The following SDE2 variants were observed in gnomAD, a reference collection of about 807,000 sequenced individuals.
SDE2 encodes the protein spliceosome associated SDE2.
In SDE2, 31 loss-of-function variants were observed where a neutral mutation model predicts 46.9. The ratio of observed to expected loss-of-function variants is 0.66; its 90% CI spans 0.50 to 0.89. The LOEUF is 0.89. SDE2 is among the 40% of genes least tolerant of loss of function. The pLI is 0.00. For missense variants in SDE2, 542 were observed against 564.4 expected, an observed-to-expected ratio of 0.96 and a Z score of 0.40; for synonymous variants, 205 against 204.3, an observed-to-expected ratio of 1.00 and a Z score of -0.03.
chr1:225,998,161 T>C (rs1429615350), intron 1 of SDE2, among the ~76,000 whole-genome samples: 1 of 152,188 alleles, frequency 6.6e-6, no homozygotes, highest in Non-Finnish European at 1.5e-5. Context: ...AACACTGTAC[T>C]CATGAAATAA....
chr1:225,985,323 AGGCTT>A lies in SDE2; in HGVS notation c.1330_1334del (p.Lys444PhefsTer31). 1 of 1,614,198 alleles carries A rather than the reference AGGCTT, an allele frequency of 6.2e-7. No individual in the cohort carries two copies. The highest frequency in any genetic ancestry group is 1.1e-5 in the South Asian group (1 of 91,084). On this transcript the variant is annotated frameshift_variant, in exon 7 of 7. Transcript: ENST00000272091. LOFTEE classifies it high-confidence loss of function. ...ATACTCATTTTTTCTTCCCTTTCAA[AGGCTT>A]GGCAAATAAAGCCGGGTCAATTTGC...
At chr1:225,999,069 T>A (rs1261726166) in intron 1 of SDE2, 124 bp downstream of exon 1, 2 of 741,762 alleles carry the variant, frequency 2.7e-6, no homozygotes, top group African/African-American at 3.5e-5. Flanking sequence ...TGAGGAACTC[T>A]CAGCCTCAAC....
chr1:225,988,293 A>G lies in SDE2; in HGVS notation c.737T>C (p.Phe246Ser), dbSNP rs1047828701. 7.4e-6 allele frequency: 12 copies of G among 1,614,060 alleles called. No individual in the cohort carries two copies. Among genetic ancestry groups the G allele is most frequent in the African/African-American group, 1.3e-5 (1 of 74,916 alleles). The change falls in exon 6 of 7, where the codon TTC becomes TCC. Residue 246 changes from phenylalanine (F) to serine (S), a missense_variant. By Grantham distance (155) the Phe-to-Ser change is radical (BLOSUM62 -2). Coordinates refer to ENST00000272091, the MANE Select transcript of SDE2 (RefSeq NM_152608.4). ...ATTGCTACCAATTTTTGGAGCATGG[A>G]AACCCATTCCTGAAGTGCTTGGTGC... ...EEAPSTSGMG[F>S]HAPKIGSNGV...
intron 5 of SDE2, 58 bp from the exon 6 acceptor site, chr1:225,988,446 G>A: frequency 1.9e-6 from 3 of 1,581,582 alleles, no homozygotes; most frequent in Non-Finnish European, 2.6e-6. Context: ...AAAGCAAAGA[G>A]TTGGCTGGGC....
intron 3 of SDE2, 150 bp from the exon 4 acceptor site, chr1:225,992,717 T>C (rs1656429919): frequency 1.5e-6 from 1 of 672,666 alleles, no homozygotes; most frequent in Non-Finnish European, 2.5e-6. Context: ...CATATGGTAC[T>C]GAACTTAATC....
intron 1 of SDE2, among the ~76,000 whole-genome samples, chr1:225,997,307 T>C (rs112732125): frequency 5.3e-5 from 8 of 152,236 alleles, no homozygotes; most frequent in Admixed American, 1.3e-4. Context: ...TTTAAAAACA[T>C]AGGTGTGAAC....
intron 5 of SDE2, among the ~76,000 whole-genome samples, chr1:225,989,307 A>ATAAT (rs1428221062): frequency 4.5e-5 from 6 of 134,388 alleles, no homozygotes; most frequent in African/African-American, 1.8e-4. Context: ...AAAAAAAAAA[A>ATAAT]AATAATAATA....
chr1:225,985,335 T>G lies in SDE2; in HGVS notation c.1323A>C (p.Leu441Phe). ...GLAKEQIDPA[L>F]FAKPLKGKKK The stretch of plus-strand genomic sequence containing the variant: ...TCTTCCCTTTCAAAGGCTTGGCAAA[T>G]AAAGCCGGGTCAATTTGCTCCTTTG... The change falls in exon 7 of 7, where the codon TTA becomes TTC. Residue 441 changes from leucine (L) to phenylalanine (F), a missense_variant. This residue lies in a region of SDE2 where 401 missense variants were observed against 437.8 expected (regional missense o/e 0.92). Transcript: ENST00000272091. 6.2e-7 allele frequency: 1 copy of G among 1,614,196 alleles called. No individual in the cohort carries two copies. Among genetic ancestry groups the G allele is most frequent in the Non-Finnish European group, 8.5e-7 (1 of 1,180,022 alleles).
chr1:225,995,969 T>C (rs1325331535), intron 1 of SDE2, among the ~76,000 whole-genome samples: 1 of 152,120 alleles, frequency 6.6e-6, no homozygotes, highest in Admixed American at 6.6e-5. Flanking sequence ...CCTACATGAA[T>C]CAATACTCTA....
intron 2 of SDE2, among the ~76,000 whole-genome samples, chr1:225,993,700 A>G (rs1456845951): frequency 1.3e-5 from 2 of 152,082 alleles, no homozygotes; most frequent in African/African-American, 4.8e-5. Flanking sequence ...AGATTTTTCA[A>G]TGAGTTTAGA....
chr1:225,991,155 C>G, intron 5 of SDE2, 88 bp downstream of exon 5: 2 of 1,390,948 alleles, frequency 1.4e-6, no homozygotes, highest in Non-Finnish European at 2.0e-6. Context: ...AAACACTACA[C>G]AAAAATGTGT....
rs750557774 is a variant in SDE2 at position 225,999,307 on chromosome 1, C to A, written c.6G>T (p.Ala2=). 1.9e-6 allele frequency: 3 copies of A among 1,611,262 alleles called. No individual in the cohort carries two copies. In the South Asian group the frequency reaches 3.3e-5, roughly 18 times the overall value. The change falls in exon 1 of 7, where the codon GCG becomes GCT. Residue 2 remains alanine, a synonymous_variant. Transcript: ENST00000272091. The part of the protein sequence containing the change: M[A]EAAALVWIRG... Reference sequence around the variant, plus strand: ...GAATCCACACCAGCGCCGCGGCCTCCGCCATGTCACCGACTACCCGAACCT... The same window carrying A: ...GAATCCACACCAGCGCCGCGGCCTCAGCCATGTCACCGACTACCCGAACCT...
Position 225,984,443 on chromosome 1 carries a change from T to C in SDE2, c.*859A>G, listed in dbSNP as rs1156598099. ...AAGATCAAAGGAGACTCAAGCTAAA[T>C]AGAAGAAAGAAAATAACAGAAATTA... On this transcript the variant is annotated 3_prime_UTR_variant, in exon 7 of 7. Coordinates refer to ENST00000272091, the MANE Select transcript of SDE2 (RefSeq NM_152608.4). The C allele has an allele frequency of 1.3e-5, 2 of 152,020 alleles. No homozygotes were observed. The highest frequency in any genetic ancestry group is 1.9e-4 in the East Asian group (1 of 5,184). The allele number at this position is 152,020 out of a possible 1,614,324, so 9.4% of individuals were successfully genotyped here. A position where few individuals can be genotyped will look rare whatever the true frequency, so the allele number is the denominator to read the frequency against.
chr1:225,995,921 T>C (rs1056215858), intron 1 of SDE2, among the ~76,000 whole-genome samples: 2 of 152,168 alleles, frequency 1.3e-5, no homozygotes, highest in African/African-American at 4.8e-5. Flanking sequence ...TAGCCTAAGA[T>C]GCTGGGCAGC....
rs1558084838 is a variant in SDE2 at position 225,992,578 on chromosome 1, G to C, written c.351-11C>G. On this transcript the variant is annotated splice_polypyrimidine_tract_variant and intron_variant, in intron 3 of 6. Coordinates refer to ENST00000272091, the MANE Select transcript of SDE2 (RefSeq NM_152608.4). ...ACCCATTCAGCCATTCTGGGGATGA[G>C]GGAGGAAGAGATATAACTGAATAGA... 6.3e-7 allele frequency: 1 copy of C among 1,579,030 alleles called. No individual in the cohort carries two copies. The highest frequency in any genetic ancestry group is 2.2e-5 in the East Asian group (1 of 44,692).
chr1:225,992,984 CGGAGCAT>C lies in SDE2; in HGVS notation c.250_256del (p.Met84GlufsTer37). 6.2e-7 allele frequency: 1 copy of C among 1,609,136 alleles called. No individual in the cohort carries two copies. The highest frequency in any genetic ancestry group is 8.5e-7 in the Non-Finnish European group (1 of 1,175,682). On this transcript the variant is annotated frameshift_variant, in exon 3 of 7. Transcript: ENST00000272091. LOFTEE classifies it high-confidence loss of function. ...CTTCTCAATCTGAGCACCAAGTGCT[CGGAGCAT>C]AGATCCAAAACCTGAGCAGATGTAT...
chr1:225,994,402 T>C (rs1295375941), intron 2 of SDE2, among the ~76,000 whole-genome samples: 2 of 152,206 alleles, frequency 1.3e-5, no homozygotes, highest in African/African-American at 4.8e-5. Context: ...TCATACAATT[T>C]CAAACAGCTG....
In SDE2 at chr1:225,988,223, C is replaced by G. The variant is rs752979394; in HGVS notation, c.807G>C (p.Ala269=). 4.3e-6 allele frequency: 7 copies of G among 1,614,176 alleles called. No individual in the cohort carries two copies. In the South Asian group the frequency reaches 7.7e-5, roughly 18 times the overall value. Residue 269 remains alanine (A), a synonymous_variant, in exon 6 of 7, where the codon GCG becomes GCC. Transcript: ENST00000272091. ...ATCCATGGTCTGTATTCACTACTCT[C>G]GCCCTCTGAGAACCACTGGGAAATT... ...AAKFPSGSQR[A]RVVNTDHGSP...
At chr1:225,995,199 A>G (rs999389565) in intron 2 of SDE2, 67 bp downstream of exon 2, 40 of 819,894 alleles carry the variant, frequency 4.9e-5, no homozygotes, top group Non-Finnish European at 7.3e-5. Context: ...TCAGCAGCAG[A>G]ATATGAAAAT....
Sources: gnomAD v4.1 joint callset for allele counts (sites outside exome capture counted in the v4.1 genomes callset) on GRCh38, gnomAD v4.1.1 for gene constraint, gnomAD v4.1.1 regional missense constraint, MANE v1.5 for transcripts, NCBI Gene and HGNC (gene_info 2026-07-23, HGNC 2026-07-21) for gene names.